GLI3: variants seen among roughly 807,000 people sequenced by gnomAD.
GLI3 encodes the protein transcription activator GLI3.
Under a neutral mutation model 100.8 loss-of-function variants are expected in GLI3, and 20 were observed. The ratio of observed to expected loss-of-function variants is 0.20; its 90% confidence interval spans 0.14 to 0.29. GLI3 has a LOEUF of 0.29. Among genes scored for constraint, GLI3 ranks in the 10% least tolerant of loss-of-function variants. The pLI, the probability that GLI3 is intolerant of heterozygous loss-of-function variation, is 1.00. For synonymous variants in GLI3, 938 were observed against 860.5 expected, an observed-to-expected ratio of 1.09 and a Z score of -1.58; for missense variants, 2,040 against 2,128.5, an observed-to-expected ratio of 0.96 and a Z score of 0.82.
chr7:42,251,322 ACCTAGATC>A (rs1789029221), intron 1 of GLI3, among the ~76,000 whole-genome samples: 1 of 152,154 alleles, frequency 6.6e-6, no homozygotes, highest in Admixed American at 6.5e-5. Context: ...GCAGCACACA[ACCTAGATC>A]CCTTGCAAAC....
chr7:42,075,201 T>C (rs1037843169), intron 4 of GLI3, among the ~76,000 whole-genome samples: 2 of 152,194 alleles, frequency 1.3e-5, no homozygotes, highest in African/African-American at 2.4e-5. Context: ...GCAGAGGAAA[T>C]AGTTCAGCCT....
intron 3 of GLI3, among the ~76,000 whole-genome samples, chr7:42,123,530 CTTG>C (rs1377900202): frequency 1.3e-5 from 2 of 152,178 alleles, no homozygotes; most frequent in Non-Finnish European, 2.9e-5. Flanking sequence ...ATCCTTACTT[CTTG>C]TTGTTAATTC....
rs1441813326 is a variant in GLI3 at position 41,965,034 on chromosome 7, G to T, written c.4039C>A (p.Gln1347Lys). The T allele has an allele frequency of 2.5e-6, 4 of 1,613,898 alleles. No homozygotes were observed. Among genetic ancestry groups the T allele is most frequent in the Non-Finnish European group, 3.4e-6 (4 of 1,179,998 alleles). Residue 1347 changes from glutamine to lysine, a missense_variant, in exon 15 of 15, where the codon CAG (glutamine) becomes AAG (lysine). By Grantham distance (53) the Gln-to-Lys change is moderately conservative (BLOSUM62 1). This residue lies in a region of GLI3 where 1,041 missense variants were observed against 924.0 expected (regional missense o/e 1.13). Coordinates refer to ENST00000395925, the MANE Select transcript of GLI3 (RefSeq NM_000168.6). ...TTGATGTGTGAGGTAGCACTAATCT[G>T]CCCAAGCATCTGCTGACCGGGGCGG... ...AGRPGQQMLG[Q>K]ISATSHINIY... is the part of the protein sequence containing the mutation.
chr7:42,017,588 T>C (rs1011080675), intron 10 of GLI3, among the ~76,000 whole-genome samples: 1 of 152,158 alleles, frequency 6.6e-6, no homozygotes, highest in African/African-American at 2.4e-5. Flanking sequence ...AGGGAGAATC[T>C]GTTTACCATC....
At chr7:42,111,241 C>G (rs1434448741) in intron 3 of GLI3, among the ~76,000 whole-genome samples, 1 of 152,204 alleles carries the variant, frequency 6.6e-6, no homozygotes, top group Non-Finnish European at 1.5e-5. Flanking sequence ...AGGGGCAAGG[C>G]ATGCATGCAG....
At chr7:42,005,617 C>T (rs1788439552) in intron 10 of GLI3, among the ~76,000 whole-genome samples, 1 of 152,028 alleles carries the variant, frequency 6.6e-6, no homozygotes, top group Non-Finnish European at 1.5e-5. Flanking sequence ...AGAATACAGC[C>T]CAGGTGCTCG....
At chr7:42,233,394 G>A (rs1443754747) in intron 1 of GLI3, among the ~76,000 whole-genome samples, 1 of 152,206 alleles carries the variant, frequency 6.6e-6, no homozygotes, top group Non-Finnish European at 1.5e-5. Context: ...TCTGAGGCAT[G>A]CCCTCAAGGT....
In GLI3 at chr7:42,148,090, T is replaced by A. The variant is rs546597831; in HGVS notation, c.367+136A>T. ...AGTAAGAAGGAAAGTGGAAAGAAAA[T>A]TACACCTTTTAATAAATTATACAAG... On this transcript the variant is annotated intron_variant, in intron 3 of 14. Coordinates refer to ENST00000395925, the MANE Select transcript of GLI3 (RefSeq NM_000168.6). 13 of 860,662 alleles carry A rather than the reference T, an allele frequency of 1.5e-5. No individual in the cohort carries two copies. The African/African-American group carries it at 1.9e-4, about 13-fold the overall frequency. The allele number at this position is 860,662 out of a possible 1,614,324, so 53.3% of individuals were successfully genotyped here. A position where few individuals can be genotyped will look rare whatever the true frequency, so the allele number is the denominator to read the frequency against.
At chr7:42,051,338 T>A (rs1228063999) in intron 4 of GLI3, among the ~76,000 whole-genome samples, 1 of 152,152 alleles carries the variant, frequency 6.6e-6, no homozygotes, top group African/African-American at 2.4e-5. Flanking sequence ...AAAGGTCCAA[T>A]GGGGAAGATA....
Position 41,965,525 on chromosome 7 carries a change from G to T in GLI3, c.3548C>A (p.Pro1183His). ...SSSKLKCGPR[P>H]AVPQTRAFGF... is the part of the protein sequence containing the mutation. ...AAAGGCGCGAGTCTGCGGCACAGCG[G>T]GCCGCGGCCCACACTTGAGCTTGGA... Residue 1183 changes from proline to histidine, a missense_variant, in exon 15 of 15, where the codon CCC becomes CAC. Pro to His is a moderately conservative substitution (Grantham distance 77). Transcript: ENST00000395925. The T allele has an allele frequency of 6.2e-7, 1 of 1,605,612 alleles. No individual in the cohort carries two copies. The highest frequency in any genetic ancestry group is 8.5e-7 in the Non-Finnish European group (1 of 1,173,394).
chr7:42,062,771 A>G (rs1784597538), intron 4 of GLI3, among the ~76,000 whole-genome samples: 1 of 152,040 alleles, frequency 6.6e-6, no homozygotes, highest in Admixed American at 6.6e-5. Context: ...GGAGAAATTG[A>G]AGAGGCTTTG....
intron 4 of GLI3, among the ~76,000 whole-genome samples, chr7:42,058,224 T>C (rs895576543): frequency 1.4e-4 from 22 of 152,224 alleles, no homozygotes; most frequent in African/African-American, 5.3e-4. Flanking sequence ...AGTGTTAGGA[T>C]AGTCAGGATA....
intron 4 of GLI3, among the ~76,000 whole-genome samples, chr7:42,075,530 GT>G (rs1187376802): frequency 2.0e-5 from 3 of 152,134 alleles, no homozygotes; most frequent in African/African-American, 7.2e-5. Context: ...TGGCCTCCTG[GT>G]TTTATTAGAG....
chr7:41,970,247 G>T (rs1446654933), intron 13 of GLI3, among the ~76,000 whole-genome samples: 1 of 152,020 alleles, frequency 6.6e-6, no homozygotes, highest in Non-Finnish European at 1.5e-5. Flanking sequence ...AAAGAAGAAA[G>T]AATTTAATTT....
intron 4 of GLI3, among the ~76,000 whole-genome samples, chr7:42,065,686 A>G (rs1250228401): frequency 1.3e-5 from 2 of 152,192 alleles, no homozygotes; most frequent in African/African-American, 2.4e-5. Context: ...AATTATGATG[A>G]AATTCTTTAG....
chr7:42,254,448 C>G (rs1789065833), intron 1 of GLI3, among the ~76,000 whole-genome samples: 1 of 152,176 alleles, frequency 6.6e-6, no homozygotes. Flanking sequence ...AAAGGGTTGA[C>G]TGGCCGACTG....
intron 2 of GLI3, among the ~76,000 whole-genome samples, chr7:42,166,309 A>G (rs1787239745): frequency 6.6e-6 from 1 of 152,206 alleles, no homozygotes; most frequent in African/African-American, 2.4e-5. Context: ...TGTGCACACC[A>G]TAGGCACTAG....
intron 2 of GLI3, among the ~76,000 whole-genome samples, chr7:42,221,693 A>G (rs1788490583): frequency 1.3e-5 from 2 of 152,222 alleles, no homozygotes; most frequent in African/African-American, 4.8e-5. Context: ...AACACTGCAT[A>G]TACTGATTCT....
intron 11 of GLI3, among the ~76,000 whole-genome samples, chr7:41,978,339 A>G (rs1446892662): frequency 1.3e-5 from 2 of 152,218 alleles, no homozygotes; most frequent in African/African-American, 4.8e-5. Context: ...CCGTGGTACC[A>G]TAAGCTGTTG....
Sources: gnomAD v4.1 joint callset for allele counts (sites outside exome capture counted in the v4.1 genomes callset) on GRCh38, gnomAD v4.1.1 for gene constraint, gnomAD v4.1.1 regional missense constraint, MANE v1.5 for transcripts, NCBI Gene and HGNC (gene_info 2026-07-23, HGNC 2026-07-21) for gene names.